Variants in MAP4K4 observed in about 807,000 individuals in gnomAD.
MAP4K4 encodes HPK/GCK-like kinase HGK.
Under a neutral mutation model 189.6 loss-of-function variants are expected in MAP4K4, and 38 were observed. The ratio of observed to expected loss-of-function variants is 0.20; its 90% confidence interval spans 0.15 to 0.26. The LOEUF is 0.26. Among genes scored for constraint, MAP4K4 ranks in the 10% least tolerant of loss-of-function variants. The pLI is 1.00. For missense variants in MAP4K4, 1,054 were observed against 1,726.9 expected (o/e 0.61, Z 6.91); for synonymous variants, 610 against 624.3 (o/e 0.98, Z 0.34).
intron 12 of MAP4K4, among the ~76,000 whole-genome samples, chr2:101,855,445 A>G (rs2149770878): frequency 6.6e-6 from 1 of 152,348 alleles, no homozygotes; most frequent in Non-Finnish European, 1.5e-5. Context: ...TGCCAGGCAC[A>G]TAGTAGTAAG....
intron 8 of MAP4K4, among the ~76,000 whole-genome samples, chr2:101,834,863 A>G (rs2096702506): frequency 6.6e-6 from 1 of 152,222 alleles, no homozygotes; most frequent in Admixed American, 6.5e-5. Context: ...TTATTGATAG[A>G]ATAATTTTTT....
rs749444948 is a variant in MAP4K4 at position 101,877,151 on chromosome 2, GTGTT to G, written c.3385+11_3385+14del. 6.2e-6 allele frequency: 10 copies of G among 1,613,762 alleles called. No individual in the cohort carries two copies. Among genetic ancestry groups the G allele is most frequent in the South Asian group, 5.5e-5 (5 of 91,054 alleles). On this transcript the variant is annotated splice_donor_region_variant and intron_variant, in intron 27 of 32. Coordinates refer to ENST00000324219, the Ensembl canonical transcript of MAP4K4. Reference sequence around the variant, plus strand: ...ATGTCTTGGTGACAATATCTGGTGAGTGTTTGTTTTGTAAACCAGAATATGTGAC... The same window carrying G: ...ATGTCTTGGTGACAATATCTGGTGAGTGTTTTGTAAACCAGAATATGTGAC...
intron 2 of MAP4K4, among the ~76,000 whole-genome samples, chr2:101,710,254 C>T (rs551034457): frequency 3.9e-5 from 6 of 152,224 alleles, no homozygotes; most frequent in Non-Finnish European, 8.8e-5. Flanking sequence ...GGGCATGACT[C>T]AGATTCTAGG....
chr2:101,803,261 G>GTGTGTA (rs764726761), intron 3 of MAP4K4, among the ~76,000 whole-genome samples: 2 of 149,192 alleles, frequency 1.3e-5, no homozygotes, highest in South Asian at 4.2e-4. Flanking sequence ...GTGTGTGTGT[G>GTGTGTA]TGTATGTATG....
chr2:101,761,667 T>G (rs2076512297), intron 2 of MAP4K4, among the ~76,000 whole-genome samples: 1 of 152,016 alleles, frequency 6.6e-6, no homozygotes, highest in African/African-American at 2.4e-5. Flanking sequence ...CAAGCAATTC[T>G]GTCTTAGCCT....
chr2:101,880,892 A>C (rs989891575), intron 27 of MAP4K4, among the ~76,000 whole-genome samples: 11 of 152,180 alleles, frequency 7.2e-5, no homozygotes, highest in African/African-American at 9.7e-5. Flanking sequence ...TGATTACTGT[A>C]GATTTATAGT....
At chr2:101,748,626 T>C (rs1558710454) in intron 2 of MAP4K4, among the ~76,000 whole-genome samples, 1 of 152,108 alleles carries the variant, frequency 6.6e-6, no homozygotes, top group Non-Finnish European at 1.5e-5. Flanking sequence ...GTGAGTGACA[T>C]GGCAAAACCC....
At chr2:101,711,602 G>A (rs969820350) in intron 2 of MAP4K4, among the ~76,000 whole-genome samples, 4 of 152,112 alleles carry the variant, frequency 2.6e-5, no homozygotes, top group South Asian at 4.1e-4. Flanking sequence ...TTTCTAATCC[G>A]ATTAGGTAAA....
chr2:101,882,725 T>TAAA (rs1162386137), intron 28 of MAP4K4, 40 bp downstream of exon 28: 4 of 1,477,290 alleles, frequency 2.7e-6, no homozygotes, highest in Non-Finnish European at 3.6e-6. Flanking sequence ...TTCCAGAGTT[T>TAAA]GATTAGAGTT....
chr2:101,805,813 C>T (rs2094872002), intron 3 of MAP4K4, among the ~76,000 whole-genome samples: 1 of 152,208 alleles, frequency 6.6e-6, no homozygotes, highest in Admixed American at 6.5e-5. Flanking sequence ...TTCCCAGCTG[C>T]TACAGGTCTT....
chr2:101,799,767 A>G (rs1353044796), intron 3 of MAP4K4, among the ~76,000 whole-genome samples: 1 of 151,944 alleles, frequency 6.6e-6, no homozygotes, highest in Non-Finnish European at 1.5e-5. Flanking sequence ...ATGCCCAGCT[A>G]ATTTTTAAAA....
chr2:101,729,280 A>G (rs1265858982), intron 2 of MAP4K4, among the ~76,000 whole-genome samples: 2 of 151,934 alleles, frequency 1.3e-5, no homozygotes, highest in Non-Finnish European at 2.9e-5. Flanking sequence ...AGCTTTTCAC[A>G]AAGTGACAGA....
rs536477086 is a variant in MAP4K4, at chr2:101,885,401, G to A, written c.3621+114G>A. On this transcript the variant is annotated intron_variant, in intron 29 of 32. Transcript: ENST00000324219. Reference sequence around the variant, plus strand: ...AAAATTGCTAATATAAAAGCTATGTGCTAATATAGCATATAACTTTATCAT... The same window carrying A: ...AAAATTGCTAATATAAAAGCTATGTACTAATATAGCATATAACTTTATCAT... 5.0e-5 allele frequency: 30 copies of A among 602,306 alleles called. No individual in the cohort carries two copies. In the African/African-American group the frequency reaches 5.4e-4, roughly 11 times the overall value. The allele number at this position is 602,306 out of a possible 1,614,324, so 37.3% of individuals were successfully genotyped here.
At chr2:101,701,749 C>A (rs2038916052) in intron 2 of MAP4K4, among the ~76,000 whole-genome samples, 2 of 152,166 alleles carry the variant, frequency 1.3e-5, no homozygotes, top group Non-Finnish European at 2.9e-5. Flanking sequence ...CACAAGGTTA[C>A]ATTCAGAGTA....
At chr2:101,702,573 AAAAAG>A (rs981645200) in intron 2 of MAP4K4, among the ~76,000 whole-genome samples, 4 of 152,202 alleles carry the variant, frequency 2.6e-5, no homozygotes, top group East Asian at 1.9e-4. Flanking sequence ...CTGTCTCAAA[AAAAAG>A]AAAAGAAAAG....
At chr2:101,724,912 C>CT (rs1184970995) in intron 2 of MAP4K4, among the ~76,000 whole-genome samples, 4 of 152,086 alleles carry the variant, frequency 2.6e-5, no homozygotes, top group Non-Finnish European at 4.4e-5. Context: ...GTTTTTTACT[C>CT]TATGTTTTCT....
chr2:101,705,248 A>G (rs1459437258), intron 2 of MAP4K4, among the ~76,000 whole-genome samples: 1 of 152,194 alleles, frequency 6.6e-6, no homozygotes, highest in East Asian at 1.9e-4. Flanking sequence ...CCCTGTTCTG[A>G]GAGTTAGATA....
chr2:101,769,292 C>T (rs1166085605), intron 2 of MAP4K4, among the ~76,000 whole-genome samples: 3 of 152,052 alleles, frequency 2.0e-5, no homozygotes, highest in Admixed American at 1.3e-4. Flanking sequence ...TACCATTAGC[C>T]GGTTCTAGAT....
At chr2:101,861,183 A>G (rs906956072) in intron 16 of MAP4K4, 197 bp downstream of exon 16, 24 of 567,256 alleles carry the variant, frequency 4.2e-5, no homozygotes, top group South Asian at 2.0e-4. Flanking sequence ...TGAGATTTCT[A>G]TGTACTCATT....
Sources: allele counts gnomAD v4.1 joint callset (sites outside exome capture counted in the v4.1 genomes callset), GRCh38; gene constraint gnomAD v4.1.1; transcripts MANE v1.5; gene names NCBI Gene and HGNC (gene_info 2026-07-23, HGNC 2026-07-21).